Variants in BMP1 observed in about 807,000 individuals in gnomAD.
BMP1 encodes the protein bone morphogenetic protein 1, also known as mammalian tolloid protein.
In BMP1, 63 loss-of-function variants were observed where a neutral mutation model predicts 116.8. The ratio of observed to expected loss-of-function variants is 0.54; its 90% CI spans 0.44 to 0.67. BMP1 has a LOEUF of 0.67. Ranked by LOEUF, BMP1 falls within the 30% of genes least tolerant of loss-of-function variation. The pLI, the probability that BMP1 is intolerant of heterozygous loss-of-function variation, is 0.00. For missense variants in BMP1, 1,183 were observed against 1,358.9 expected (o/e 0.87, Z 2.04); for synonymous variants, 536 against 533.4 (o/e 1.00, Z -0.07).
At chr8:22,166,212 T>A (rs1177094345) in intron 1 of BMP1, among the ~76,000 whole-genome samples, 1 of 152,022 alleles carries the variant, frequency 6.6e-6, no homozygotes, top group Non-Finnish European at 1.5e-5. Flanking sequence ...GAAGGGGGAC[T>A]TAACTTTGTC....
At position 22,195,595 on chromosome 8, in the gene BMP1, C is replaced by T. The variant is rs778746747; in HGVS notation, c.1765+8C>T. On this transcript the variant is annotated splice_region_variant and intron_variant, in intron 13 of 19. Transcript: ENST00000306385. ...ACAAGCGCCGCTGTGAGGGTGAGTG[C>T]CCCCAGACTGCCTCTGACCCTGTTC... 1 of 1,610,396 alleles carries T rather than the reference C, an allele frequency of 6.2e-7. No homozygotes were observed. The highest frequency in any genetic ancestry group is 1.3e-5 in the African/African-American group (1 of 74,758).
In BMP1 at chr8:22,207,465, T is replaced by C. The variant is rs1829383921; in HGVS notation, c.2524T>C (p.Tyr842His). The stretch of plus-strand genomic sequence containing the variant: ...AGGCAGCCGCATGTTCCTGCGCTTC[T>C]ACTCAGATAACTCGGTCCAGCGAAA... ...ATGSRMFLRF[Y>H]SDNSVQRKGF... The change falls in exon 18 of 20, where the codon TAC (tyrosine) becomes CAC (histidine). Residue 842 changes from tyrosine (Y) to histidine (H), a missense_variant. Physicochemically the swap from Tyr to His is moderately conservative, Grantham distance 83 (BLOSUM62 2). Transcript: ENST00000306385. The C allele has an allele frequency of 1.2e-6, 2 of 1,614,046 alleles. No individual in the cohort carries two copies. Among genetic ancestry groups the C allele is most frequent in the African/African-American group, 2.7e-5 (2 of 75,078 alleles).
Position 22,176,206 on chromosome 8 carries a change from G to A in BMP1, c.326G>A (p.Cys109Tyr). Reference sequence around the variant, plus strand: ...AACGGGCAGCCTCAGAGGGGAGCCTGTGGGAGATGGAGAGGTAGATCCCGT... The same window carrying A: ...AACGGGCAGCCTCAGAGGGGAGCCTATGGGAGATGGAGAGGTAGATCCCGT... Reference protein sequence around the residue: ...STNGQPQRGACGRWRGRSRSR... With the variant: ...STNGQPQRGAYGRWRGRSRSR... Residue 109 changes from cysteine to tyrosine, a missense_variant, in exon 3 of 20, where the codon TGT (cysteine) becomes TAT (tyrosine). By Grantham distance (194) the Cys-to-Tyr change is radical. Coordinates refer to ENST00000306385, the MANE Select transcript of BMP1 (RefSeq NM_006129.5). 1 of 1,614,170 alleles carries A rather than the reference G, an allele frequency of 6.2e-7. No homozygotes were observed. Among genetic ancestry groups the A allele is most frequent in the South Asian group, 1.1e-5 (1 of 91,076 alleles).
intron 8 of BMP1, among the ~76,000 whole-genome samples, chr8:22,183,557 A>G (rs1477289614): frequency 6.6e-6 from 1 of 151,856 alleles, no homozygotes; most frequent in Admixed American, 6.6e-5. Context: ...ATAACTAACA[A>G]TGATTGAATA....
intron 1 of BMP1, among the ~76,000 whole-genome samples, chr8:22,171,994 G>C: frequency 6.6e-6 from 1 of 152,288 alleles, no homozygotes; most frequent in South Asian, 2.1e-4. Flanking sequence ...GGATGGCAAG[G>C]GTGTGGACGC....
At chr8:22,206,022 C>T (rs1829346926) in intron 16 of BMP1, among the ~76,000 whole-genome samples, 1 of 152,142 alleles carries the variant, frequency 6.6e-6, no homozygotes, top group Admixed American at 6.5e-5. Context: ...GTGTCAAAGT[C>T]CCCTGTGACT....
At position 22,181,691 on chromosome 8, in the gene BMP1, T is replaced by C. The variant is rs544357804; in HGVS notation, c.1077+1208T>C. ...CCTCAGCCTCTGGAGTAGCTGGGACTGCAGATGTGCGCTACCATGCCCGGC... is the reference window on the plus strand; with the variant it reads ...CCTCAGCCTCTGGAGTAGCTGGGACCGCAGATGTGCGCTACCATGCCCGGC... On this transcript the variant is annotated intron_variant, in intron 8 of 19. Transcript: ENST00000306385. 3.3e-5 allele frequency among the ~76,000 whole-genome samples: 5 copies of C among 152,244 alleles called. No homozygotes were observed. In the South Asian group the frequency reaches 1.0e-3, roughly 32 times the overall value.
At chr8:22,195,821 A>T (rs888101289) in intron 13 of BMP1, among the ~76,000 whole-genome samples, 11 of 151,686 alleles carry the variant, frequency 7.3e-5, no homozygotes, top group South Asian at 2.1e-4. Flanking sequence ...TAATTTTAAA[A>T]TTTTTTTTGT....
In BMP1 at chr8:22,209,316, A is replaced by T. The variant is rs954142681; in HGVS notation, c.2576-129A>T. 3 of 1,443,220 alleles carry T rather than the reference A, an allele frequency of 2.1e-6. No homozygotes were observed. The African/African-American group carries it at 4.3e-5, about 21-fold the overall frequency. 89.4% of individuals were successfully genotyped at this position (1,443,220 alleles called of 1,614,324 possible). On this transcript the variant is annotated intron_variant, in intron 18 of 19. Coordinates refer to ENST00000306385, the MANE Select transcript of BMP1 (RefSeq NM_006129.5). ...AATGTTCTGGGCCAGGCCCCCACCC[A>T]CCCATCACTGGCCTCGTGGCCTTCA...
In BMP1 at chr8:22,192,078, G is replaced by A. The variant is rs1586457852; in HGVS notation, c.1107G>A (p.Leu369=). Residue 369 remains leucine (L), a synonymous_variant, in exon 9 of 20, where the codon CTG becomes CTA. Coordinates refer to ENST00000306385, the MANE Select transcript of BMP1 (RefSeq NM_006129.5). ...KIILNFTSLD[L]YRSRLCWYDY... is the part of the protein sequence containing the mutation. ...TCCTGAACTTCACGTCCCTGGACCT[G>A]TACCGCAGCCGCCTGTGCTGGTACG... 1 of 1,613,968 alleles carries A rather than the reference G, an allele frequency of 6.2e-7. No homozygotes were observed. Among genetic ancestry groups the A allele is most frequent in the Non-Finnish European group, 8.5e-7 (1 of 1,179,888 alleles).
At chr8:22,198,712 C>T (rs1343295561) in intron 15 of BMP1, 3 of 176,176 alleles carry the variant, frequency 1.7e-5, no homozygotes, top group Non-Finnish European at 3.6e-5. Context: ...CTCAAGCCCC[C>T]TCTGTGGCTG....
At chr8:22,187,944 G>A (rs536388590) in intron 8 of BMP1, among the ~76,000 whole-genome samples, 25 of 152,134 alleles carry the variant, frequency 1.6e-4, no homozygotes, top group Non-Finnish European at 3.4e-4. Flanking sequence ...TGGGCCTAAA[G>A]ATCATGCGGC....
At chr8:22,199,567 C>T (rs1396991340) in intron 15 of BMP1, among the ~76,000 whole-genome samples, 2 of 152,176 alleles carry the variant, frequency 1.3e-5, no homozygotes, top group African/African-American at 4.8e-5. Context: ...CGTTCACTCG[C>T]ATTTGGCAGG....
At chr8:22,182,587 C>A (rs781267542) in intron 8 of BMP1, among the ~76,000 whole-genome samples, 1 of 152,162 alleles carries the variant, frequency 6.6e-6, no homozygotes, top group Non-Finnish European at 1.5e-5. Flanking sequence ...CTGTTCCACC[C>A]GTTGACAAAA....
chr8:22,182,277 A>C (rs1828644231), intron 8 of BMP1, among the ~76,000 whole-genome samples: 1 of 152,222 alleles, frequency 6.6e-6, no homozygotes, highest in South Asian at 2.1e-4. Context: ...TTTGATAAGC[A>C]TGACTTCTAG....
chr8:22,181,277 CT>C (rs1489434798), intron 8 of BMP1, among the ~76,000 whole-genome samples: 1 of 152,232 alleles, frequency 6.6e-6, no homozygotes, highest in African/African-American at 2.4e-5. Flanking sequence ...AGTTCTCATA[CT>C]TGCTGCCACG....
intron 4 of BMP1, 24 bp from the exon 5 acceptor site, chr8:22,176,937 C>T (rs1187629632): frequency 6.3e-7 from 1 of 1,592,174 alleles, no homozygotes; most frequent in Non-Finnish European, 8.6e-7. Flanking sequence ...GGGACCGCCC[C>T]CCTGAGCTGG....
At chr8:22,165,882 C>CGTGTGTGTGTGTGTGT (rs149003237) in intron 1 of BMP1, among the ~76,000 whole-genome samples, 3,003 of 131,314 alleles carry the variant, frequency 0.023, 107 homozygotes, top group East Asian at 0.052. Context: ...CCTGTGCGTG[C>CGTGTGTGTGTGTGTGT]GTGTGTGTGT....
chr8:22,176,457 C>A, intron 3 of BMP1, 76 bp from the exon 4 acceptor site: 1 of 1,572,298 alleles, frequency 6.4e-7, no homozygotes, highest in Non-Finnish European at 8.7e-7. Flanking sequence ...CTCAGAATGG[C>A]TGTGACTCTT....
Sources: allele counts gnomAD v4.1 joint callset (sites outside exome capture counted in the v4.1 genomes callset), GRCh38; gene constraint gnomAD v4.1.1; transcripts MANE v1.5; gene names NCBI Gene and HGNC (gene_info 2026-07-23, HGNC 2026-07-21).